Variants in GALNT17 observed in about 807,000 individuals in gnomAD.
GALNT17 encodes the protein UDP-GalNAc:polypeptide N-acetylgalactosaminyltransferase-like 3.
In GALNT17, 29 loss-of-function variants were observed where a neutral mutation model predicts 63.7. That is an observed-to-expected ratio of 0.46 (90% CI 0.34 to 0.62). The LOEUF (loss-of-function observed/expected upper bound fraction) is 0.62. Among genes scored for constraint, GALNT17 ranks in the 20% least tolerant of loss-of-function variants. The pLI, the probability that GALNT17 is intolerant of heterozygous loss-of-function variation, is 0.01. For synonymous variants in GALNT17, 305 were observed against 318.3 expected, an observed-to-expected ratio of 0.96 and a Z score of 0.45; for missense variants, 603 against 799.6, an observed-to-expected ratio of 0.75 and a Z score of 2.97.
At chr7:71,263,838 G>A in intron 1 of GALNT17, among the ~76,000 whole-genome samples, 1 of 151,594 alleles carries the variant, frequency 6.6e-6, no homozygotes, top group East Asian at 2.0e-4. Context: ...GCAGGAGAAT[G>A]GCGTGAACCC....
intron 1 of GALNT17, among the ~76,000 whole-genome samples, chr7:71,305,670 C>G (rs904953775): frequency 2.0e-5 from 3 of 152,064 alleles, no homozygotes; most frequent in Non-Finnish European, 4.4e-5. Flanking sequence ...CATCTCAGTC[C>G]AGTGCGGGGT....
In GALNT17 at chr7:71,414,625, G is replaced by A. The variant is rs1020175746; in HGVS notation, c.590-1264G>A. 2.6e-5 allele frequency among the ~76,000 whole-genome samples: 4 copies of A among 152,192 alleles called. No homozygotes were observed. In the East Asian group the frequency reaches 7.7e-4, roughly 29 times the overall value. ...CTCATTTGATACCCGGATGTGGTGAGTGATGTAGCCAGGAGCTGACATCCT... is the reference window on the plus strand; with the variant it reads ...CTCATTTGATACCCGGATGTGGTGAATGATGTAGCCAGGAGCTGACATCCT... On this transcript the variant is annotated intron_variant, in intron 3 of 10. Transcript: ENST00000333538.
In GALNT17 at chr7:71,453,570, C is replaced by T. The variant is rs1787304892; in HGVS notation, c.962+32465C>T. On this transcript the variant is annotated intron_variant, in intron 5 of 10. Transcript: ENST00000333538. ...TCCCCCATGATTTAATTACCTCCCA[C>T]TGGGTCCTTCCCACAACACGTGGGA... Among the ~76,000 whole-genome samples the T allele has an allele frequency of 2.0e-5, 3 of 152,334 alleles. No individual in the cohort carries two copies. In the South Asian group the frequency reaches 6.2e-4, roughly 32 times the overall value.
intron 1 of GALNT17, among the ~76,000 whole-genome samples, chr7:71,185,141 T>G (rs1388510313): frequency 2.1e-5 from 2 of 93,922 alleles, no homozygotes; most frequent in Admixed American, 1.3e-4. Context: ...TCTCCTCCCC[T>G]CCCGTCCCCT....
intron 1 of GALNT17, among the ~76,000 whole-genome samples, chr7:71,261,901 G>C (rs968126523): frequency 1.3e-5 from 2 of 152,156 alleles, no homozygotes; most frequent in African/African-American, 4.8e-5. Context: ...TGTTTCTACA[G>C]CATAGTGGAG....
intron 1 of GALNT17, among the ~76,000 whole-genome samples, chr7:71,209,378 A>G (rs1324583493): frequency 1.3e-5 from 2 of 152,204 alleles, no homozygotes; most frequent in African/African-American, 2.4e-5. Flanking sequence ...TAATCTTCAC[A>G]AAAACTCTTA....
At chr7:71,529,367 G>A (rs191146106) in intron 5 of GALNT17, among the ~76,000 whole-genome samples, 13 of 152,146 alleles carry the variant, frequency 8.5e-5, no homozygotes, top group Admixed American at 2.0e-4. Flanking sequence ...CACATAGTAA[G>A]GAAGAAAATT....
At chr7:71,679,450 T>A (rs1171128721) in intron 9 of GALNT17, among the ~76,000 whole-genome samples, 1 of 152,128 alleles carries the variant, frequency 6.6e-6, no homozygotes, top group Non-Finnish European at 1.5e-5. Flanking sequence ...TCAACTAATA[T>A]GTCTTGATTA....
At chr7:71,239,744 T>C (rs1040117430) in intron 1 of GALNT17, among the ~76,000 whole-genome samples, 17 of 152,318 alleles carry the variant, frequency 1.1e-4, no homozygotes, top group African/African-American at 3.8e-4. Flanking sequence ...ACAGACAAGC[T>C]GGGACATGTG....
intron 2 of GALNT17, among the ~76,000 whole-genome samples, chr7:71,355,510 A>C (rs2527285): frequency 0.031 from 4,749 of 152,068 alleles, 241 homozygotes; most frequent in African/African-American, 0.11. Context: ...AATAATTTTA[A>C]ATTTTATTGC....
intron 6 of GALNT17, among the ~76,000 whole-genome samples, chr7:71,580,657 G>A (rs1789623012): frequency 6.6e-6 from 1 of 152,182 alleles, no homozygotes; most frequent in South Asian, 2.1e-4. Flanking sequence ...ACAAATTCAG[G>A]AAGTGGAAGA....
At chr7:71,376,563 GTA>G (rs1490397869) in intron 2 of GALNT17, among the ~76,000 whole-genome samples, 2 of 150,156 alleles carry the variant, frequency 1.3e-5, no homozygotes, top group African/African-American at 4.9e-5. Context: ...GAGTGTGTGT[GTA>G]TGTGTGTGTG....
chr7:71,537,376 G>C (rs1788818443), intron 5 of GALNT17, among the ~76,000 whole-genome samples: 1 of 152,130 alleles, frequency 6.6e-6, no homozygotes, highest in African/African-American at 2.4e-5. Context: ...GAACTTGTTT[G>C]GAAAGAGGAG....
chr7:71,625,516 T>A (rs1790359340), intron 6 of GALNT17, among the ~76,000 whole-genome samples: 1 of 152,100 alleles, frequency 6.6e-6, no homozygotes, highest in Non-Finnish European at 1.5e-5. Flanking sequence ...TTTCTCCTCC[T>A]CTCTTTTTAA....
At chr7:71,537,451 A>G (rs995588550) in intron 5 of GALNT17, among the ~76,000 whole-genome samples, 2 of 152,078 alleles carry the variant, frequency 1.3e-5, no homozygotes, top group African/African-American at 4.8e-5. Flanking sequence ...GCAGATCTGA[A>G]GGTCTTGAGA....
intron 5 of GALNT17, among the ~76,000 whole-genome samples, chr7:71,498,689 C>A (rs1208979124): frequency 6.6e-6 from 1 of 152,062 alleles, no homozygotes; most frequent in East Asian, 1.9e-4. Flanking sequence ...ATCAGAAGAT[C>A]TGAATATGAC....
chr7:71,265,173 C>T (rs1051287086), intron 1 of GALNT17, among the ~76,000 whole-genome samples: 1 of 124,412 alleles, frequency 8.0e-6, no homozygotes, highest in Non-Finnish European at 1.6e-5. Context: ...GTCACTCAGT[C>T]TGGAGTGCAG....
chr7:71,363,835 T>A (rs963586513), intron 2 of GALNT17, among the ~76,000 whole-genome samples: 2 of 152,210 alleles, frequency 1.3e-5, no homozygotes, highest in African/African-American at 4.8e-5. Context: ...AGTGTTTGCC[T>A]TACTTGAGCA....
chr7:71,568,277 C>T (rs1376936958), intron 5 of GALNT17, among the ~76,000 whole-genome samples: 2 of 152,272 alleles, frequency 1.3e-5, no homozygotes, highest in East Asian at 1.9e-4. Context: ...ACCTAATCTC[C>T]GTGTGCCTCA....
Sources: allele counts gnomAD v4.1 joint callset (sites outside exome capture counted in the v4.1 genomes callset), GRCh38; gene constraint gnomAD v4.1.1; transcripts MANE v1.5; gene names NCBI Gene and HGNC (gene_info 2026-07-23, HGNC 2026-07-21).